SPAG9: variants seen among roughly 807,000 people sequenced by gnomAD.
The protein encoded by SPAG9 is C-Jun-amino-terminal kinase-interacting protein 4.
Under a neutral mutation model 166.5 loss-of-function variants are expected in SPAG9, and 35 were observed. The observed-to-expected ratio is 0.21, with a 90% CI of 0.16 to 0.28. The LOEUF is 0.28. Ranked by LOEUF, SPAG9 falls within the 10% of genes least tolerant of loss-of-function variation. The pLI is 1.00. For missense variants in SPAG9, 1,235 were observed against 1,603.3 expected (o/e 0.77, Z 3.92); for synonymous variants, 534 against 565.5 (o/e 0.94, Z 0.79).
chr17:51,032,058 T>G (rs531558017), intron 5 of SPAG9, among the ~76,000 whole-genome samples: 1 of 152,352 alleles, frequency 6.6e-6, no homozygotes, highest in South Asian at 2.1e-4. Flanking sequence ...AACATGCTAA[T>G]AATCCAGTGC....
intron 9 of SPAG9, among the ~76,000 whole-genome samples, chr17:51,008,826 T>C (rs1044277605): frequency 2.0e-5 from 3 of 152,176 alleles, no homozygotes; most frequent in African/African-American, 7.2e-5. Flanking sequence ...GGCAAGATAT[T>C]TGCTTTAAAC....
intron 26 of SPAG9, 65 bp downstream of exon 26, chr17:50,979,681 C>A: frequency 6.7e-7 from 1 of 1,484,942 alleles, no homozygotes; most frequent in Non-Finnish European, 9.3e-7. Context: ...TTTCAATAAA[C>A]ACATAGATAG....
At chr17:51,102,873 G>A (rs964373692) in intron 1 of SPAG9, among the ~76,000 whole-genome samples, 2 of 152,170 alleles carry the variant, frequency 1.3e-5, no homozygotes, top group Middle Eastern at 3.4e-3. Context: ...CTTGAATCCT[G>A]GGCTCAATCT....
chr17:51,037,656 A>G (rs1220970731), intron 5 of SPAG9, among the ~76,000 whole-genome samples: 1 of 95,222 alleles, frequency 1.1e-5, no homozygotes, highest in African/African-American at 4.0e-5. Context: ...ATAAGTAAAT[A>G]TATGTGTTTT....
intron 17 of SPAG9, 71 bp downstream of exon 17, chr17:50,995,372 AC>A: frequency 7.3e-7 from 1 of 1,360,556 alleles, no homozygotes; most frequent in Non-Finnish European, 1.0e-6. Flanking sequence ...TAATACTTAT[AC>A]TTTTTTGGTT....
At chr17:50,972,862 A>C (rs973590030) in intron 28 of SPAG9, among the ~76,000 whole-genome samples, 1 of 152,264 alleles carries the variant, frequency 6.6e-6, no homozygotes, top group African/African-American at 2.4e-5. Flanking sequence ...TGATAAGGCC[A>C]ACCAGAATGG....
At chr17:51,112,702 T>C (rs1002501838) in intron 1 of SPAG9, among the ~76,000 whole-genome samples, 26 of 139,144 alleles carry the variant, frequency 1.9e-4, no homozygotes, top group African/African-American at 5.3e-4. Flanking sequence ...AAAAAAAACT[T>C]TGGCAGGATC....
intron 6 of SPAG9, among the ~76,000 whole-genome samples, chr17:51,027,062 A>C (rs2046209923): frequency 6.6e-6 from 1 of 152,192 alleles, no homozygotes; most frequent in Admixed American, 6.5e-5. Context: ...AAAAGCACTT[A>C]GATGGGAAAT....
At position 50,995,526 on chromosome 17, in the gene SPAG9, T is replaced by C. The variant is rs1567975906; in HGVS notation, c.1976A>G (p.Asn659Ser). 13 of 1,602,564 alleles carry C rather than the reference T, an allele frequency of 8.1e-6. No homozygotes were observed. Among genetic ancestry groups the C allele is most frequent in the Admixed American group, 1.7e-5 (1 of 59,954 alleles). Reference sequence around the variant, plus strand: ...TTTCATCTTATTTTCACCTTGACCATTGGTTACCTAATAATGGTGGAAGGA... The same window carrying C: ...TTTCATCTTATTTTCACCTTGACCACTGGTTACCTAATAATGGTGGAAGGA... ...SLPQKYKQVT[N>S]GQGENKMKNL... is the part of the protein sequence containing the mutation. Residue 659 changes from asparagine to serine, a missense_variant, in exon 17 of 30, where the codon AAT becomes AGT. This residue lies in a region of SPAG9 where 493 missense variants were observed against 559.4 expected (regional missense o/e 0.88). Coordinates refer to ENST00000262013, the MANE Select transcript of SPAG9 (RefSeq NM_001130528.3).
At chr17:51,000,759 A>C (rs62062963) in intron 13 of SPAG9, among the ~76,000 whole-genome samples, 1 of 11,990 alleles carries the variant, frequency 8.3e-5, no homozygotes. Flanking sequence ...ATGAATGAAT[A>C]AATAAATAAA....
chr17:50,964,627 T>C lies in SPAG9; in HGVS notation c.*1645A>G, dbSNP rs1478121476. 1.2e-5 allele frequency: 4 copies of C among 329,918 alleles called. No homozygotes were observed. Among genetic ancestry groups the C allele is most frequent in the Non-Finnish European group, 2.4e-5 (4 of 165,812 alleles). 20.4% of individuals were successfully genotyped at this position (329,918 alleles called of 1,614,324 possible). ...AAATCATATTTAGCTTTGCCTAGAG[T>C]AATAGATAAAAAAGGGTAAATCACA... On this transcript the variant is annotated 3_prime_UTR_variant, in exon 30 of 30. Coordinates refer to ENST00000262013, the MANE Select transcript of SPAG9 (RefSeq NM_001130528.3).
chr17:51,018,902 T>C (rs919260993), intron 8 of SPAG9, among the ~76,000 whole-genome samples: 7 of 152,188 alleles, frequency 4.6e-5, no homozygotes, highest in African/African-American at 1.4e-4. Flanking sequence ...ACAGAAAGTA[T>C]GGGATATGTC....
rs1455886749 is a variant in SPAG9 at position 51,006,219 on chromosome 17, C to T, written c.1290G>A (p.Val430=). Residue 430 remains valine (V), a synonymous_variant, in exon 11 of 30, where the codon GTG becomes GTA. Transcript: ENST00000262013. ...CCACTTTTGCTATCAAATCATTCTT[C>T]ACTATGTTCAAAGCATTTCTAAGAA... is the stretch of plus-strand genomic sequence containing the variant. ...LLETKNALNI[V]KNDLIAKVDE... 6.2e-7 allele frequency: 1 copy of T among 1,614,076 alleles called. No homozygotes were observed.
intron 1 of SPAG9, among the ~76,000 whole-genome samples, chr17:51,108,888 T>C (rs1177093844): frequency 2.0e-5 from 3 of 152,044 alleles, no homozygotes; most frequent in African/African-American, 7.2e-5. Context: ...TGGAGTGCAA[T>C]GGCATGATCT....
intron 1 of SPAG9, among the ~76,000 whole-genome samples, chr17:51,096,959 G>A (rs2048665931): frequency 6.6e-6 from 1 of 152,232 alleles, no homozygotes; most frequent in Non-Finnish European, 1.5e-5. Context: ...TTAAGGATGG[G>A]AGCTGGTCAT....
chr17:50,993,817 A>G lies in SPAG9; in HGVS notation c.2345T>C (p.Leu782Pro). 2 of 1,614,204 alleles carry G rather than the reference A, an allele frequency of 1.2e-6. No individual in the cohort carries two copies. The highest frequency in any genetic ancestry group is 1.7e-6 in the Non-Finnish European group (2 of 1,180,020). ...IIDAVQPGNI[L>P]DSFTVCNSHV... ...AGAGTTGCAAACAGTGAAACTGTCT[A>G]GGATGTTGCCAGGTTGAACAGCATC... is the stretch of plus-strand genomic sequence containing the variant. The change falls in exon 19 of 30, where the codon CTA (leucine) becomes CCA (proline). Residue 782 changes from leucine (L) to proline (P), a missense_variant. Around this residue, in one of 6 missense-constraint regions of SPAG9, gnomAD observed 493 missense variants for 559.4 expected, o/e 0.88. Coordinates refer to ENST00000262013, the MANE Select transcript of SPAG9 (RefSeq NM_001130528.3).
At chr17:51,053,518 C>T (rs2047238318) in intron 3 of SPAG9, among the ~76,000 whole-genome samples, 1 of 152,018 alleles carries the variant, frequency 6.6e-6, no homozygotes, top group East Asian at 1.9e-4. Flanking sequence ...AACCCCACCT[C>T]TACTAAAAAT....
Position 51,063,165 on chromosome 17 carries a change from T to G in SPAG9, c.425-6683A>C, listed in dbSNP as rs551488346. On this transcript the variant is annotated intron_variant, in intron 2 of 29. Coordinates refer to ENST00000262013, the MANE Select transcript of SPAG9 (RefSeq NM_001130528.3). ...GGCTCACGCCTGTAATCCCAGTACT[T>G]TGGGAAGCCGAGGCAGGCGTATCAC... 5.9e-5 allele frequency among the ~76,000 whole-genome samples: 9 copies of G among 152,238 alleles called. No individual in the cohort carries two copies. The South Asian group carries it at 1.9e-3, about 32-fold the overall frequency.
chr17:51,011,722 A>G (rs1597987455), intron 9 of SPAG9, among the ~76,000 whole-genome samples: 1 of 152,178 alleles, frequency 6.6e-6, no homozygotes, highest in Non-Finnish European at 1.5e-5. Flanking sequence ...AAAAATATTC[A>G]TAAGTAACTA....
Sources: allele counts gnomAD v4.1 joint callset (sites outside exome capture counted in the v4.1 genomes callset), GRCh38; gene constraint gnomAD v4.1.1; regional missense constraint gnomAD v4.1.1; transcripts MANE v1.5; gene names NCBI Gene and HGNC (gene_info 2026-07-23, HGNC 2026-07-21).